Variants in LIMS1 observed in about 807,000 individuals in gnomAD.
The protein encoded by LIMS1 is LIM and senescent cell antigen-like-containing domain protein 1.
In LIMS1, 18 loss-of-function variants were observed where a neutral mutation model predicts 44.1. The ratio of observed to expected loss-of-function variants is 0.41; its 90% CI spans 0.28 to 0.61. The LOEUF (loss-of-function observed/expected upper bound fraction) is 0.61. Among genes scored for constraint, LIMS1 ranks in the 20% least tolerant of loss-of-function variants. The pLI is 0.32. For synonymous variants in LIMS1, 93 were observed against 149.1 expected (o/e 0.62, Z 2.74); for missense variants, 201 against 422.0 (o/e 0.48, Z 4.59).
intron 1 of LIMS1, among the ~76,000 whole-genome samples, chr2:108,548,294 T>C (rs558191105): frequency 1.3e-5 from 2 of 152,154 alleles, no homozygotes; most frequent in Non-Finnish European, 2.9e-5. Context: ...GTTTTGTTTT[T>C]TTTTTTTCAA....
At chr2:108,595,528 C>CT (rs1349616531) in intron 1 of LIMS1, among the ~76,000 whole-genome samples, 2 of 152,018 alleles carry the variant, frequency 1.3e-5, no homozygotes, top group African/African-American at 2.4e-5. Context: ...GAAATTTTCC[C>CT]TTGGTCTTCT....
At chr2:108,675,620 G>A (rs923118485) in intron 5 of LIMS1, among the ~76,000 whole-genome samples, 16 of 152,132 alleles carry the variant, frequency 1.1e-4, no homozygotes, top group African/African-American at 3.9e-4. Flanking sequence ...AGGAAATTAT[G>A]AATATGACTG....
exon 10 of LIMS1, chr2:108,686,673 G>A (rs1334995661): frequency 6.6e-6 from 1 of 152,108 alleles, no homozygotes; most frequent in Non-Finnish European, 1.5e-5. Context: ...CTACTCGGGA[G>A]GCTGAGGTAG....
intron 1 of LIMS1, among the ~76,000 whole-genome samples, chr2:108,539,352 T>C (rs2104565854): frequency 6.6e-6 from 1 of 152,344 alleles, no homozygotes; most frequent in South Asian, 2.1e-4. Context: ...CTCAAAGTTC[T>C]GGGATTACAG....
intron 1 of LIMS1, among the ~76,000 whole-genome samples, chr2:108,628,782 G>T (rs1688730528): frequency 6.6e-6 from 1 of 152,104 alleles, no homozygotes; most frequent in Non-Finnish European, 1.5e-5. Context: ...ATTAATTTTT[G>T]AAGAGAAATA....
At chr2:108,681,478 C>G (rs948256554) in intron 9 of LIMS1, 15 of 979,354 alleles carry the variant, frequency 1.5e-5, no homozygotes, top group African/African-American at 3.5e-5. Context: ...TTAATAGACC[C>G]TGGAAAACAT....
At chr2:108,641,561 A>T (rs1020060733) in intron 1 of LIMS1, among the ~76,000 whole-genome samples, 2 of 152,206 alleles carry the variant, frequency 1.3e-5, no homozygotes, top group Non-Finnish European at 2.9e-5. Context: ...TATTTTTAGC[A>T]TATGTAACAA....
intron 1 of LIMS1, among the ~76,000 whole-genome samples, chr2:108,612,234 C>T (rs1468077349): frequency 6.6e-6 from 1 of 151,888 alleles, no homozygotes; most frequent in Non-Finnish European, 1.5e-5. Context: ...ACTTCCTTTG[C>T]ATGAAGCAGT....
chr2:108,579,301 C>T (rs1573363752), intron 1 of LIMS1, among the ~76,000 whole-genome samples: 1 of 152,268 alleles, frequency 6.6e-6, no homozygotes, highest in East Asian at 1.9e-4. Context: ...TGTCACAGCT[C>T]TTATAGTAAG....
chr2:108,576,038 T>C (rs1352754914), intron 1 of LIMS1, among the ~76,000 whole-genome samples: 1 of 152,240 alleles, frequency 6.6e-6, no homozygotes, highest in Non-Finnish European at 1.5e-5. Context: ...ATGTCAGTGT[T>C]AGTCTGGAAG....
At chr2:108,560,132 T>C (rs879930364) in intron 1 of LIMS1, among the ~76,000 whole-genome samples, 4 of 151,980 alleles carry the variant, frequency 2.6e-5, no homozygotes, top group African/African-American at 9.7e-5. Context: ...TCCACAGGTA[T>C]TTTTTGAGTG....
chr2:108,534,769 GC>G (rs1243253409), intron 1 of LIMS1, among the ~76,000 whole-genome samples, 175 bp downstream of exon 1: 4 of 151,674 alleles, frequency 2.6e-5, no homozygotes, highest in Non-Finnish European at 4.4e-5. Flanking sequence ...CTGCGTCCGG[GC>G]CCGCGGAGGA....
intron 1 of LIMS1, among the ~76,000 whole-genome samples, chr2:108,541,763 T>A (rs1450406662): frequency 6.6e-6 from 1 of 152,174 alleles, no homozygotes; most frequent in Non-Finnish European, 1.5e-5. Context: ...TCATCTTTTG[T>A]GTTTTCTTGG....
intron 5 of LIMS1, among the ~76,000 whole-genome samples, chr2:108,674,204 C>A (rs2149001970): frequency 6.6e-6 from 1 of 151,894 alleles, no homozygotes; most frequent in East Asian, 1.9e-4. Context: ...GTGGCGGGTG[C>A]CTATAGTCCC....
At chr2:108,549,940 G>A (rs1237185161) in intron 1 of LIMS1, among the ~76,000 whole-genome samples, 3 of 152,156 alleles carry the variant, frequency 2.0e-5, no homozygotes, top group Non-Finnish European at 4.4e-5. Context: ...CTGGGTGTGA[G>A]TAGATTTTGG....
chr2:108,548,728 C>T (rs1684574312), intron 1 of LIMS1, among the ~76,000 whole-genome samples: 1 of 152,208 alleles, frequency 6.6e-6, no homozygotes, highest in Admixed American at 6.5e-5. Flanking sequence ...AAAACCACAT[C>T]TCTGATAATT....
At chr2:108,675,767 G>A (rs1195051952) in intron 5 of LIMS1, 111 bp from the exon 6 acceptor site, 1 of 1,355,512 alleles carries the variant, frequency 7.4e-7, no homozygotes. Context: ...AAAGAAATTT[G>A]CAGGGATTGT....
chr2:108,634,589 G>A (rs954730222), intron 1 of LIMS1, among the ~76,000 whole-genome samples: 1 of 152,178 alleles, frequency 6.6e-6, no homozygotes, highest in African/African-American at 2.4e-5. Flanking sequence ...ACCTTGTCCT[G>A]GCGACATCTC....
intron 1 of LIMS1, among the ~76,000 whole-genome samples, chr2:108,565,989 A>G (rs2104620777): frequency 6.6e-6 from 1 of 152,292 alleles, no homozygotes; most frequent in Middle Eastern, 3.4e-3. Context: ...AAGTTTCAAC[A>G]TGAATTTTGG....
Sources: allele counts gnomAD v4.1 joint callset (sites outside exome capture counted in the v4.1 genomes callset), GRCh38; gene constraint gnomAD v4.1.1; transcripts MANE v1.5; gene names NCBI Gene and HGNC (gene_info 2026-07-23, HGNC 2026-07-21).